The following TMEM200C variants were observed in gnomAD, a reference collection of about 807,000 sequenced individuals.
TMEM200C encodes transmembrane protein TTMA.
For synonymous variants in TMEM200C, 462 were observed against 324.7 expected (o/e 1.42, Z -4.55); for missense variants, 966 against 699.9 (o/e 1.38, Z -4.29).
intron 2 of TMEM200C, among the ~76,000 whole-genome samples, chr18:5,894,140 T>C (rs1299485922): frequency 1.3e-5 from 2 of 151,974 alleles, no homozygotes; most frequent in Non-Finnish European, 2.9e-5. Flanking sequence ...AGGCTACATG[T>C]TTTGTTGGGC....
At chr18:5,890,687 G>A (rs1253273902) in exon 3 of TMEM200C, 1 of 542,124 alleles carries the variant, frequency 1.8e-6, no homozygotes, top group Non-Finnish European at 2.9e-6. Context: ...TGCCGGTCCT[G>A]GGCAGGCGGC....
chr18:5,893,202 C>G (rs2095172909), intron 2 of TMEM200C, among the ~76,000 whole-genome samples: 1 of 152,130 alleles, frequency 6.6e-6, no homozygotes, highest in South Asian at 2.1e-4. Flanking sequence ...TCCCAGTATT[C>G]AAATGAGTAG....
exon 3 of TMEM200C, chr18:5,883,847 C>T (rs1013236200): frequency 1.5e-4 from 23 of 152,046 alleles, no homozygotes; most frequent in Admixed American, 1.2e-3. Context: ...CTTATACACA[C>T]GTCTAGGGAA....
intron 1 of TMEM200C, among the ~76,000 whole-genome samples, 176 bp from the exon 1 acceptor site, chr18:5,895,698 C>A (rs1208821907): frequency 2.0e-5 from 3 of 149,998 alleles, no homozygotes; most frequent in Non-Finnish European, 4.5e-5. Context: ...GAGGAGGAGG[C>A]GTGAGGGGAG....
chr18:5,889,123 A>T (rs2095167612), exon 3 of TMEM200C: 1 of 152,276 alleles, frequency 6.6e-6, no homozygotes, highest in Admixed American at 6.5e-5. Flanking sequence ...GATAGCCAAG[A>T]GGATGGGAAG....
At chr18:5,882,145 A>C (rs1430199956) in exon 3 of TMEM200C, 1 of 152,184 alleles carries the variant, frequency 6.6e-6, no homozygotes, top group African/African-American at 2.4e-5. Flanking sequence ...TAATTTTCTA[A>C]AATTATGCTG....
At chr18:5,892,030 C>T (rs1422402189) in exon 3 of TMEM200C, 4 of 1,613,618 alleles carry the variant, frequency 2.5e-6, no homozygotes, top group South Asian at 1.1e-5. Flanking sequence ...TGCTTTCTGG[C>T]GGAAATCCTT....
At chr18:5,890,534 C>A in exon 3 of TMEM200C, 1 of 1,478,760 alleles carries the variant, frequency 6.8e-7, no homozygotes, top group South Asian at 1.5e-5. Flanking sequence ...CCTCCAGCCG[C>A]AGGGGTGGCG....
intron 1 of TMEM200C, chr18:5,895,753 G>C (rs1192426515): frequency 6.6e-6 from 1 of 150,752 alleles, no homozygotes; most frequent in Non-Finnish European, 1.5e-5. Flanking sequence ...GCGGGGCAGG[G>C]GGCGCGGGGT....
chr18:5,882,243 T>C (rs892206764), exon 3 of TMEM200C: 1 of 151,920 alleles, frequency 6.6e-6, no homozygotes, highest in Non-Finnish European at 1.5e-5. Context: ...TATATCCCTT[T>C]ATTTTTTTTT....
In TMEM200C at chr18:5,891,698, AC is replaced by A; in HGVS notation, c.365del (p.Gly122ValfsTer140). On this transcript the variant is annotated frameshift_variant, in exon 3 of 3. Transcript: ENST00000581347. LOFTEE classifies it low-confidence loss of function (END_TRUNC). The surrounding 1 kb of genome is among the most constrained non-coding windows in gnomAD (Gnocchi z 4.7). ...GCGCGCCCGCGGAACTGGAGTTGAC[AC>A]CCCCTGGAGCCCTAGGGTGGCTCCT... 1 of 1,613,224 alleles carries A rather than the reference AC, an allele frequency of 6.2e-7. No individual in the cohort carries two copies. The highest frequency in any genetic ancestry group is 8.5e-7 in the Non-Finnish European group (1 of 1,179,770).
exon 3 of TMEM200C, chr18:5,890,520 G>A (rs765729505): frequency 8.6e-6 from 13 of 1,505,416 alleles, no homozygotes; most frequent in South Asian, 1.4e-5. Context: ...GGTGGGGGGC[G>A]AGCCCTCCAG....
At chr18:5,895,581 G>T (rs961088677) in intron 1 of TMEM200C, 59 bp from the exon 1 acceptor site, 1 of 24,200 alleles carries the variant, frequency 4.1e-5, no homozygotes, top group Non-Finnish European at 1.0e-4. Context: ...CCCGCCCCCC[G>T]CCCCACCCCC....
rs1179079077 is a variant in TMEM200C, at chr18:5,892,028, G to T, written c.36C>A (p.Ala12=). 1.9e-6 allele frequency: 3 copies of T among 1,613,840 alleles called. No homozygotes were observed. In the South Asian group the frequency reaches 3.3e-5, roughly 18 times the overall value. Residue 12 remains alanine, a synonymous_variant, in exon 3 of 3, where the codon GCC becomes GCA. Transcript: ENST00000581347. ...GGGGGCGGAGTGGATCCTGCTTTCT[G>T]GCGGAAATCCTTAGCAGGCCGCCGG...
chr18:5,894,719 G>T (rs1022924153), intron 2 of TMEM200C, among the ~76,000 whole-genome samples: 2 of 152,176 alleles, frequency 1.3e-5, no homozygotes, highest in African/African-American at 2.4e-5. Context: ...CCCCTCACTG[G>T]CAGGGCGGCG....
At chr18:5,894,678 C>T (rs1341255787) in intron 2 of TMEM200C, among the ~76,000 whole-genome samples, 1 of 152,220 alleles carries the variant, frequency 6.6e-6, no homozygotes, top group Admixed American at 6.5e-5. Context: ...CTGTGCTGTG[C>T]CCGGTACCCA....
At chr18:5,890,979 C>G (rs2095170143) in exon 3 of TMEM200C, 6 of 658,342 alleles carry the variant, frequency 9.1e-6, no homozygotes. Flanking sequence ...CTGGCGCCCC[C>G]AGCTCTCGGG....
exon 3 of TMEM200C, chr18:5,886,775 T>A (rs2095165662): frequency 6.6e-6 from 1 of 152,028 alleles, no homozygotes; most frequent in Admixed American, 6.5e-5. Context: ...GAAGACCCAG[T>A]TATAATGTTA....
chr18:5,887,774 G>C (rs907160262), exon 3 of TMEM200C: 3 of 152,192 alleles, frequency 2.0e-5, no homozygotes, highest in African/African-American at 7.2e-5. Context: ...TCCTATGAAA[G>C]TTACGATTGT....
Sources: gnomAD v4.1 joint callset for allele counts (sites outside exome capture counted in the v4.1 genomes callset) on GRCh38, gnomAD v4.1.1 for gene constraint, Gnocchi (gnomAD v3.1) non-coding constraint, MANE v1.5 for transcripts, NCBI Gene and HGNC (gene_info 2026-07-23, HGNC 2026-07-21) for gene names.